ENOX1: variants seen among roughly 807,000 people sequenced by gnomAD.
ENOX1 encodes the protein candidate growth-related and time keeping constitutive hydroquinone (NADH) oxidase.
Under a neutral mutation model 82.5 loss-of-function variants are expected in ENOX1, and 42 were observed. That is an observed-to-expected ratio of 0.51 (90% CI 0.40 to 0.66). ENOX1 has a LOEUF of 0.66. Ranked by LOEUF, ENOX1 falls within the 30% of genes least tolerant of loss-of-function variation. The pLI is 0.00. For missense variants in ENOX1, 608 were observed against 811.6 expected, an observed-to-expected ratio of 0.75 and a Z score of 3.05; for synonymous variants, 271 against 282.2, an observed-to-expected ratio of 0.96 and a Z score of 0.40.
intron 2 of ENOX1, among the ~76,000 whole-genome samples, chr13:43,574,362 T>C (rs2080321726): frequency 6.6e-6 from 1 of 152,126 alleles, no homozygotes; most frequent in African/African-American, 2.4e-5. Flanking sequence ...TCCCGTCCAA[T>C]TAGTAAAAGT....
intron 2 of ENOX1, among the ~76,000 whole-genome samples, chr13:43,515,045 G>C (rs1297294830): frequency 6.6e-6 from 1 of 152,034 alleles, no homozygotes; most frequent in African/African-American, 2.4e-5. Context: ...CATTTTCATG[G>C]GAATGCAACA....
At chr13:43,556,614 T>C (rs951568462) in intron 2 of ENOX1, among the ~76,000 whole-genome samples, 1 of 152,170 alleles carries the variant, frequency 6.6e-6, no homozygotes, top group African/African-American at 2.4e-5. Context: ...GAAACATTCA[T>C]TCATGATTAA....
intron 1 of ENOX1, among the ~76,000 whole-genome samples, chr13:43,669,887 C>T (rs1227673055): frequency 3.3e-5 from 5 of 152,170 alleles, no homozygotes; most frequent in Non-Finnish European, 5.9e-5. Flanking sequence ...TTCTGGAGTA[C>T]TTGGCTGTTG....
chr13:43,318,991 G>A (rs1399252969), intron 11 of ENOX1, among the ~76,000 whole-genome samples: 1 of 152,112 alleles, frequency 6.6e-6, no homozygotes, highest in Non-Finnish European at 1.5e-5. Context: ...GAGGAAGGGA[G>A]TGGAAAAGGG....
chr13:43,285,810 CAAAAAAAAAAA>C (rs11417324), intron 12 of ENOX1, among the ~76,000 whole-genome samples: 2 of 67,460 alleles, frequency 3.0e-5, no homozygotes, highest in Admixed American at 2.4e-4. Flanking sequence ...GACTCTGTCT[CAAAAAAAAAAA>C]AAAAAAAAAA....
rs889132991 is a variant in ENOX1, at chr13:43,361,395, G to C, written c.266C>G (p.Pro89Arg). 1.2e-6 allele frequency: 2 copies of C among 1,613,308 alleles called. No individual in the cohort carries two copies. Among genetic ancestry groups the C allele is most frequent in the African/African-American group, 1.3e-5 (1 of 74,838 alleles). ...AAGGCCTGGTATCATTGGGTTAATG[G>C]GGGTGATTCCAGTCATCATGTTGAG... Reference protein sequence around the residue: ...PSLNMMTGITPINPMIPGLGL... With the variant: ...PSLNMMTGITRINPMIPGLGL... The change falls in exon 6 of 17, where the codon CCC (proline) becomes CGC (arginine). Residue 89 changes from proline (P) to arginine (R), a missense_variant. By Grantham distance (103) the Pro-to-Arg change is moderately radical. Transcript: ENST00000690772.
Position 43,533,208 on chromosome 13 carries a change from G to A in ENOX1, c.-218-49056C>T, listed in dbSNP as rs550683800. ...ACCTGATTTTGGAGCCACAGTTCAT[G>A]GTCATCATATCTTCCCCCAGGAGGA... On this transcript the variant is annotated intron_variant, in intron 2 of 16. Coordinates refer to ENST00000690772, the MANE Select transcript of ENOX1 (RefSeq NM_001347969.2). Among the ~76,000 whole-genome samples the A allele has an allele frequency of 7.9e-5, 12 of 152,148 alleles. No individual in the cohort carries two copies. The South Asian group carries it at 2.5e-3, about 32-fold the overall frequency.
intron 3 of ENOX1, among the ~76,000 whole-genome samples, chr13:43,427,018 T>G (rs973761550): frequency 2.0e-5 from 3 of 152,178 alleles, no homozygotes; most frequent in Admixed American, 2.0e-4. Flanking sequence ...TTCACCATCC[T>G]TTTCTCTAGG....
At chr13:43,375,847 T>C (rs941371189) in intron 5 of ENOX1, among the ~76,000 whole-genome samples, 1 of 152,234 alleles carries the variant, frequency 6.6e-6, no homozygotes, top group African/African-American at 2.4e-5. Flanking sequence ...TTTGGTGTTG[T>C]ATTATTTATC....
At chr13:43,757,523 A>T (rs935518909) in intron 1 of ENOX1, among the ~76,000 whole-genome samples, 2 of 152,160 alleles carry the variant, frequency 1.3e-5, no homozygotes, top group African/African-American at 4.8e-5. Flanking sequence ...GACACCCTCA[A>T]CCAGCCGGCT....
intron 2 of ENOX1, among the ~76,000 whole-genome samples, chr13:43,514,346 A>C (rs888250541): frequency 7.9e-5 from 12 of 152,170 alleles, no homozygotes; most frequent in African/African-American, 2.9e-4. Flanking sequence ...GAGTCATTTA[A>C]ATGTTTGTAT....
chr13:43,378,171 T>C (rs576520277), intron 5 of ENOX1, among the ~76,000 whole-genome samples: 1 of 152,270 alleles, frequency 6.6e-6, no homozygotes, highest in South Asian at 2.1e-4. Flanking sequence ...AGACAATGAT[T>C]CATGAAAGAA....
chr13:43,605,939 G>A (rs1166581715), intron 2 of ENOX1, among the ~76,000 whole-genome samples: 1 of 152,030 alleles, frequency 6.6e-6, no homozygotes, highest in Non-Finnish European at 1.5e-5. Context: ...GAATACAGAA[G>A]GAGCTCAAAC....
chr13:43,370,360 C>G (rs919677690), intron 5 of ENOX1, among the ~76,000 whole-genome samples: 1 of 151,928 alleles, frequency 6.6e-6, no homozygotes, highest in East Asian at 1.9e-4. Flanking sequence ...CAGCGAGACT[C>G]CATCTCAAGA....
intron 3 of ENOX1, among the ~76,000 whole-genome samples, chr13:43,447,006 T>G (rs1229809160): frequency 1.3e-5 from 2 of 152,232 alleles, no homozygotes; most frequent in African/African-American, 2.4e-5. Flanking sequence ...AAATTTGCCT[T>G]AGAGGGCCAT....
In ENOX1 at chr13:43,318,408, ACT is replaced by A. The variant is rs1215950747; in HGVS notation, c.1261+3974_1261+3975del. Among the ~76,000 whole-genome samples, 4 of 152,116 alleles carry A rather than the reference ACT, an allele frequency of 2.6e-5. No homozygotes were observed. The East Asian group carries it at 7.7e-4, about 29-fold the overall frequency. On this transcript the variant is annotated intron_variant, in intron 11 of 16. Coordinates refer to ENST00000690772, the MANE Select transcript of ENOX1 (RefSeq NM_001347969.2). Reference sequence around the variant, plus strand: ...GAACTGGGTACCCTGTATCTAACTAACTCTGTGTGCCCTGGGTCCACAGCACC... The same window carrying A: ...GAACTGGGTACCCTGTATCTAACTAACTGTGTGCCCTGGGTCCACAGCACC...
chr13:43,245,870 G>T (rs1427353507), intron 14 of ENOX1, among the ~76,000 whole-genome samples: 1 of 152,134 alleles, frequency 6.6e-6, no homozygotes, highest in African/African-American at 2.4e-5. Flanking sequence ...TGCCGGATCG[G>T]AAGCACATAC....
At chr13:43,678,168 C>A (rs1411145678) in intron 1 of ENOX1, among the ~76,000 whole-genome samples, 2 of 152,246 alleles carry the variant, frequency 1.3e-5, no homozygotes, top group East Asian at 3.9e-4. Context: ...CCAGGGCCAA[C>A]ATCAGCAATT....
At chr13:43,514,102 C>T (rs2077472752) in intron 2 of ENOX1, among the ~76,000 whole-genome samples, 1 of 152,120 alleles carries the variant, frequency 6.6e-6, no homozygotes, top group Non-Finnish European at 1.5e-5. Flanking sequence ...TATCTATCTA[C>T]TTCATGTTCA....
Sources: allele counts gnomAD v4.1 joint callset (sites outside exome capture counted in the v4.1 genomes callset), GRCh38; gene constraint gnomAD v4.1.1; transcripts MANE v1.5; gene names NCBI Gene and HGNC (gene_info 2026-07-23, HGNC 2026-07-21).